Variants in MCM9 observed in about 807,000 individuals in gnomAD.
MCM9 encodes the protein minichromosome maintenance 9 homologous recombination repair factor, also known as DNA helicase MCM9.
In MCM9, 55 loss-of-function variants were observed where a neutral mutation model predicts 72.8. That is an observed-to-expected ratio of 0.76 (90% confidence interval 0.61 to 0.95). MCM9 has a LOEUF of 0.95. Among genes scored for constraint, MCM9 ranks in the 40% least tolerant of loss-of-function variants. The pLI is 0.00. For synonymous variants in MCM9, 480 were observed against 503.4 expected (o/e 0.95, Z 0.62); for missense variants, 1,279 against 1,377.0 (o/e 0.93, Z 1.13).
chr6:118,835,366 G>GT (rs1562403565), intron 9 of MCM9, among the ~76,000 whole-genome samples: 2 of 152,234 alleles, frequency 1.3e-5, no homozygotes, highest in Admixed American at 6.5e-5. Context: ...ATTTAAAATA[G>GT]TTTTTTCTAA....
At chr6:118,829,872 CAA>C (rs940213313) in intron 9 of MCM9, among the ~76,000 whole-genome samples, 3 of 134,330 alleles carry the variant, frequency 2.2e-5, no homozygotes, top group Admixed American at 7.2e-5. Flanking sequence ...ACGAAAGAAA[CAA>C]AAAAGAGAGA....
intron 10 of MCM9, 49 bp downstream of exon 10, chr6:118,828,999 T>A: frequency 6.6e-7 from 1 of 1,512,174 alleles, no homozygotes; most frequent in Non-Finnish European, 9.0e-7. Flanking sequence ...TTCTTTTAGT[T>A]ACAGCTAATC....
intron 10 of MCM9, 77 bp downstream of exon 10, chr6:118,828,971 A>C: frequency 7.1e-7 from 1 of 1,410,092 alleles, no homozygotes; most frequent in Non-Finnish European, 9.7e-7. Context: ...TATTTATTTA[A>C]TTTTCTTGAA....
intron 13 of MCM9, among the ~76,000 whole-genome samples, chr6:118,821,178 G>C (rs1773779938): frequency 6.6e-6 from 1 of 152,068 alleles, no homozygotes; most frequent in Non-Finnish European, 1.5e-5. Context: ...GATGCTATCT[G>C]GTCAATTTGC....
At chr6:118,821,641 G>C (rs1385052000) in intron 13 of MCM9, among the ~76,000 whole-genome samples, 1 of 152,126 alleles carries the variant, frequency 6.6e-6, no homozygotes, top group African/African-American at 2.4e-5. Context: ...GGTGTTCTCT[G>C]TATTTCCTGA....
At chr6:118,824,073 A>G (rs1774004305) in intron 13 of MCM9, among the ~76,000 whole-genome samples, 1 of 100,494 alleles carries the variant, frequency 1.0e-5, no homozygotes, top group African/African-American at 4.0e-5. Flanking sequence ...TTTTTTTTAG[A>G]CAGAGTCTCT....
intron 9 of MCM9, among the ~76,000 whole-genome samples, chr6:118,831,301 G>A (rs1224350112): frequency 3.5e-5 from 5 of 141,876 alleles, no homozygotes; most frequent in South Asian, 2.2e-4. Context: ...GCAGTGAGCC[G>A]AGCTTGTGCC....
intron 9 of MCM9, among the ~76,000 whole-genome samples, chr6:118,843,635 A>T (rs1312849449): frequency 1.3e-4 from 1 of 7,646 alleles, no homozygotes; most frequent in African/African-American, 2.8e-4. Flanking sequence ...ACAAAACAAA[A>T]CAAAACATAT....
intron 8 of MCM9, among the ~76,000 whole-genome samples, chr6:118,905,452 T>C (rs905904790): frequency 4.6e-5 from 7 of 152,226 alleles, no homozygotes; most frequent in African/African-American, 1.7e-4. Flanking sequence ...GGTCCTTACA[T>C]ATATTGTGGC....
rs35917528 is a variant in MCM9 at position 118,815,848 on chromosome 6, G to A, written c.2408C>T (p.Pro803Leu). The A allele has an allele frequency of 0.1, 154,339 of 1,540,032 alleles. 8,540 individuals are homozygous for A. Among genetic ancestry groups the A allele is most frequent in the Non-Finnish European group, 0.11 (131,029 of 1,146,958 alleles). The change falls in exon 14 of 14, where the codon CCA (proline) becomes CTA (leucine). Residue 803 changes from proline to leucine, a missense_variant. Coordinates refer to ENST00000619706, the MANE Select transcript of MCM9 (RefSeq NM_017696.3). ...SKVDIGLLPS[P>L]GETGVPWRAD... ...CCTCCATGGAACACCTGTCTCTCCT[G>A]GTGATGGAAGCAACCCAATGTCCAC... is the stretch of plus-strand genomic sequence containing the variant.
chr6:118,821,138 T>G (rs1054684230), intron 13 of MCM9, among the ~76,000 whole-genome samples: 2 of 152,178 alleles, frequency 1.3e-5, no homozygotes, highest in African/African-American at 4.8e-5. Context: ...AGGTTAATAT[T>G]GTTATGTATG....
At chr6:118,918,464 T>A (rs1457096679) in intron 5 of MCM9, 2 of 152,444 alleles carry the variant, frequency 1.3e-5, no homozygotes, top group African/African-American at 4.8e-5. Context: ...AAGCAACTTT[T>A]ATAGATTTTC....
In MCM9 at chr6:118,814,162, G is replaced by A. The variant is rs976165931; in HGVS notation, c.*662C>T. 2.0e-5 allele frequency: 3 copies of A among 152,124 alleles called. No individual in the cohort carries two copies. The highest frequency in any genetic ancestry group is 7.2e-5 in the African/African-American group (3 of 41,428). 9.4% of individuals were successfully genotyped at this position (152,124 alleles called of 1,614,324 possible). A position where few individuals can be genotyped will look rare whatever the true frequency, so the allele number is the denominator to read the frequency against. On this transcript the variant is annotated 3_prime_UTR_variant, in exon 14 of 14. Transcript: ENST00000619706. ...CAAAATGTTGGCTCAAGAAAGAAAG[G>A]ACAACTCAGAAGGTCAGTACTTCAG...
In MCM9 at chr6:118,815,837, C is replaced by G; in HGVS notation, c.2419G>C (p.Gly807Arg). ...IGLLPSPGET[G>R]VPWRADNVES... ...ACATTGTCTGCCCTCCATGGAACAC[C>G]TGTCTCTCCTGGTGATGGAAGCAAC... The change falls in exon 14 of 14, where the codon GGT (glycine) becomes CGT (arginine). Residue 807 changes from glycine to arginine, a missense_variant. Gly to Arg is a moderately radical substitution (Grantham distance 125). Transcript: ENST00000619706. 1 of 1,539,712 alleles carries G rather than the reference C, an allele frequency of 6.5e-7. No individual in the cohort carries two copies. The highest frequency in any genetic ancestry group is 8.7e-7 in the Non-Finnish European group (1 of 1,147,016).
At chr6:118,863,881 T>A (rs1477655637) in intron 8 of MCM9, among the ~76,000 whole-genome samples, 1 of 151,958 alleles carries the variant, frequency 6.6e-6, no homozygotes, top group Non-Finnish European at 1.5e-5. Flanking sequence ...AACTACCCAG[T>A]CTTAGGTATT....
chr6:118,839,227 C>A (rs186722117), intron 9 of MCM9, among the ~76,000 whole-genome samples: 11 of 151,882 alleles, frequency 7.2e-5, no homozygotes, highest in Non-Finnish European at 1.5e-4. Context: ...GCCATTGATA[C>A]TTCCGTATGC....
At chr6:118,862,878 A>G (rs1179306547) in intron 8 of MCM9, among the ~76,000 whole-genome samples, 1 of 152,070 alleles carries the variant, frequency 6.6e-6, no homozygotes, top group East Asian at 1.9e-4. Flanking sequence ...CCCAACACAG[A>G]ATTTTGTACC....
chr6:118,907,016 T>A (rs1337388886), intron 8 of MCM9, among the ~76,000 whole-genome samples: 1 of 152,176 alleles, frequency 6.6e-6, no homozygotes, highest in African/African-American at 2.4e-5. Flanking sequence ...TATTTGACAA[T>A]TTTTCATTTT....
At chr6:118,854,093 G>A (rs1294721262) in intron 9 of MCM9, among the ~76,000 whole-genome samples, 2 of 152,120 alleles carry the variant, frequency 1.3e-5, no homozygotes, top group Non-Finnish European at 2.9e-5. Context: ...GACCTTTTAA[G>A]ATTCACTTAT....
Sources: gnomAD v4.1 joint callset for allele counts (sites outside exome capture counted in the v4.1 genomes callset) on GRCh38, gnomAD v4.1.1 for gene constraint, MANE v1.5 for transcripts, NCBI Gene and HGNC (gene_info 2026-07-23, HGNC 2026-07-21) for gene names.